The following KIF16B variants were observed in gnomAD, a reference collection of about 807,000 sequenced individuals.
KIF16B encodes the protein kinesin-like protein KIF16B.
In KIF16B, 98 loss-of-function variants were observed where a neutral mutation model predicts 156.3. The observed-to-expected ratio is 0.63, with a 90% confidence interval of 0.53 to 0.74. KIF16B has a LOEUF of 0.74. KIF16B is among the 30% of genes least tolerant of loss of function. The pLI, the probability that KIF16B is intolerant of heterozygous loss-of-function variation, is 0.00. For missense variants in KIF16B, 1,421 were observed against 1,606.5 expected (o/e 0.88, Z 1.97); for synonymous variants, 564 against 583.7 (o/e 0.97, Z 0.49).
intron 15 of KIF16B, among the ~76,000 whole-genome samples, chr20:16,414,967 A>C (rs1046398052): frequency 2.6e-5 from 4 of 152,152 alleles, no homozygotes; most frequent in African/African-American, 9.6e-5. Flanking sequence ...TGTTCTGAGC[A>C]TATTTAAGGT....
intron 24 of KIF16B, among the ~76,000 whole-genome samples, chr20:16,333,903 A>G (rs2122931343): frequency 6.6e-6 from 1 of 152,318 alleles, no homozygotes; most frequent in South Asian, 2.1e-4. Context: ...CTTTATTGCT[A>G]ATTTTCATAT....
At chr20:16,414,786 C>T (rs746052071) in intron 15 of KIF16B, among the ~76,000 whole-genome samples, 22 of 152,106 alleles carry the variant, frequency 1.4e-4, no homozygotes, top group Admixed American at 5.2e-4. Context: ...ACACCTCATG[C>T]GAGAAACAAA....
intron 25 of KIF16B, among the ~76,000 whole-genome samples, chr20:16,275,683 T>C (rs542728774): frequency 1.4e-4 from 22 of 152,258 alleles, no homozygotes; most frequent in African/African-American, 5.1e-4. Flanking sequence ...GATCCTGAAA[T>C]TGAAATTAGG....
chr20:16,295,755 G>A (rs750045809), intron 25 of KIF16B, among the ~76,000 whole-genome samples: 8 of 152,150 alleles, frequency 5.3e-5, no homozygotes, highest in Non-Finnish European at 1.0e-4. Context: ...ACAGGACGAG[G>A]AGTGTACTGA....
chr20:16,490,230 T>G (rs2068247371), intron 12 of KIF16B, among the ~76,000 whole-genome samples: 2 of 152,104 alleles, frequency 1.3e-5, no homozygotes, highest in Admixed American at 6.6e-5. Context: ...GTTATTAGGA[T>G]GGGTCCTAAT....
chr20:16,566,900 T>A (rs986497871), intron 1 of KIF16B, among the ~76,000 whole-genome samples: 6 of 152,248 alleles, frequency 3.9e-5, no homozygotes, highest in African/African-American at 1.4e-4. Flanking sequence ...CTGGCCAGCA[T>A]AGGGATCTAG....
At chr20:16,411,626 C>A (rs547385656) in intron 15 of KIF16B, among the ~76,000 whole-genome samples, 1 of 151,956 alleles carries the variant, frequency 6.6e-6, no homozygotes, top group Non-Finnish European at 1.5e-5. Context: ...CTTGGACCTG[C>A]GCAGGGTATC....
chr20:16,413,822 A>G (rs2066018880), intron 15 of KIF16B, among the ~76,000 whole-genome samples: 2 of 151,846 alleles, frequency 1.3e-5, no homozygotes, highest in South Asian at 4.2e-4. Context: ...TAGATGTGAC[A>G]GGTGGAGAAA....
At chr20:16,423,421 A>C (rs149294639) in intron 15 of KIF16B, among the ~76,000 whole-genome samples, 28 of 152,286 alleles carry the variant, frequency 1.8e-4, no homozygotes, top group African/African-American at 6.0e-4. Context: ...AACTAAATCA[A>C]ATATGAGAAA....
intron 17 of KIF16B, among the ~76,000 whole-genome samples, chr20:16,392,661 C>A (rs887104006): frequency 5.3e-5 from 8 of 152,214 alleles, no homozygotes; most frequent in African/African-American, 1.9e-4. Context: ...CTCTGTATCC[C>A]AGACCAGGGC....
At chr20:16,289,701 C>T (rs929450153) in intron 25 of KIF16B, among the ~76,000 whole-genome samples, 1 of 152,114 alleles carries the variant, frequency 6.6e-6, no homozygotes, top group Non-Finnish European at 1.5e-5. Flanking sequence ...ATTAGCCGGG[C>T]GCAGTGGCGG....
chr20:16,380,306 T>A, intron 18 of KIF16B, 143 bp from the exon 19 acceptor site: 1 of 694,146 alleles, frequency 1.4e-6, no homozygotes, highest in Non-Finnish European at 2.1e-6. Flanking sequence ...TGCTTTCCTT[T>A]AAATTTCCAG....
intron 4 of KIF16B, among the ~76,000 whole-genome samples, 191 bp downstream of exon 4, chr20:16,515,357 C>T (rs1335420598): frequency 2.6e-5 from 4 of 152,144 alleles, no homozygotes; most frequent in African/African-American, 9.7e-5. Flanking sequence ...TGCTTATATA[C>T]TTAAAACTAT....
At position 16,312,423 on chromosome 20, in the gene KIF16B, A is replaced by G. The variant is rs753452236; in HGVS notation, c.3712-5T>C. 1 of 1,604,530 alleles carries G rather than the reference A, an allele frequency of 6.2e-7. No homozygotes were observed. Among genetic ancestry groups the G allele is most frequent in the Non-Finnish European group, 8.5e-7 (1 of 1,171,854 alleles). On this transcript the variant is annotated splice_region_variant and splice_polypyrimidine_tract_variant and intron_variant, in intron 24 of 25. Transcript: ENST00000354981. Reference sequence around the variant, plus strand: ...AGGAAATTCAAGGGCAGCAAGCTGAAATAGACATTTTAAAAGACATGCATT... The same window carrying G: ...AGGAAATTCAAGGGCAGCAAGCTGAGATAGACATTTTAAAAGACATGCATT...
intron 1 of KIF16B, among the ~76,000 whole-genome samples, chr20:16,552,107 G>A (rs535149093): frequency 1.3e-5 from 2 of 152,250 alleles, no homozygotes; most frequent in South Asian, 2.1e-4. Flanking sequence ...GATTAATCAT[G>A]CCTTTTAATT....
intron 12 of KIF16B, among the ~76,000 whole-genome samples, chr20:16,456,512 C>T (rs996397673): frequency 6.6e-6 from 1 of 152,046 alleles, no homozygotes; most frequent in African/African-American, 2.4e-5. Flanking sequence ...CTCTCTTAAC[C>T]AACAAGATAC....
At chr20:16,469,212 C>T (rs2067584715) in intron 12 of KIF16B, among the ~76,000 whole-genome samples, 1 of 142,598 alleles carries the variant, frequency 7.0e-6, no homozygotes. Context: ...ATGATGGTGC[C>T]ACTGCACTCC....
chr20:16,412,002 G>A (rs989085315), intron 15 of KIF16B, among the ~76,000 whole-genome samples: 15 of 150,814 alleles, frequency 9.9e-5, no homozygotes, highest in Non-Finnish European at 1.6e-4. Context: ...AACTATAGGA[G>A]TAGGAAAGAA....
At chr20:16,334,077 T>C (rs1001880475) in intron 24 of KIF16B, among the ~76,000 whole-genome samples, 16 of 152,216 alleles carry the variant, frequency 1.1e-4, no homozygotes, top group Non-Finnish European at 1.5e-4. Flanking sequence ...TCCAGAAAAA[T>C]GTGCCTACAC....
Sources: allele counts gnomAD v4.1 joint callset (sites outside exome capture counted in the v4.1 genomes callset), GRCh38; gene constraint gnomAD v4.1.1; transcripts MANE v1.5; gene names NCBI Gene and HGNC (gene_info 2026-07-23, HGNC 2026-07-21).